Variants in RAD21 observed in about 807,000 individuals in gnomAD.
The protein encoded by RAD21 is RAD21 cohesin complex component, also known as double-strand-break repair protein rad21 homolog.
RAD21 carries 18 observed loss-of-function variants against 71.5 expected under a neutral mutation model. The ratio of observed to expected loss-of-function variants is 0.25; its 90% CI spans 0.17 to 0.37. The LOEUF (loss-of-function observed/expected upper bound fraction) is 0.37, where lower values mean the gene tolerates loss of function less well. Among genes scored for constraint, RAD21 ranks in the 10% least tolerant of loss-of-function variants. The probability of loss-of-function intolerance (pLI) is 1.00; values close to 1 mark genes in which losing one functional copy is unlikely to be tolerated. For missense variants in RAD21, 493 were observed against 769.1 expected, an observed-to-expected ratio of 0.64 and a Z score of 4.25; for synonymous variants, 248 against 254.0, an observed-to-expected ratio of 0.98 and a Z score of 0.22.
rs1403263631 is a variant in RAD21, at chr8:116,850,770, TA to T, written c.1471-4del. ...TCCATCTGCTCTACCTGCTGAGGCT[TA>T]AAGCAATACAAATAAGACAATTTAA... is the stretch of plus-strand genomic sequence containing the variant. On this transcript the variant is annotated splice_polypyrimidine_tract_variant and splice_region_variant and intron_variant, in intron 11 of 13. Transcript: ENST00000297338. 1.9e-6 allele frequency: 3 copies of T among 1,559,448 alleles called. No individual in the cohort carries two copies. Among genetic ancestry groups the T allele is most frequent in the Admixed American group, 3.4e-5 (2 of 59,490 alleles).
intron 2 of RAD21, among the ~76,000 whole-genome samples, 195 bp downstream of exon 2, chr8:116,866,391 A>AT (rs1179262993): frequency 2.6e-5 from 4 of 151,914 alleles, no homozygotes; most frequent in Non-Finnish European, 4.4e-5. Flanking sequence ...GCACTTAGAG[A>AT]TTTTTTTTAA....
Position 116,848,962 on chromosome 8 carries a change from A to G in RAD21, c.1688T>C (p.Met563Thr), listed in dbSNP as rs1210282420. Reference protein sequence around the residue: ...ERRWNKRTQQMLHGLQRALAK... With the variant: ...ERRWNKRTQQTLHGLQRALAK... ...CGGCAATACCTGAAGACCATGAAGC[A>G]TCTGCTGAGTCCTTTTGTTCCATCT... The change falls in exon 13 of 14, where the codon ATG becomes ACG. Residue 563 changes from methionine to threonine, a missense_variant. By Grantham distance (81) the Met-to-Thr change is moderately conservative. Transcript: ENST00000297338. 1 of 1,608,888 alleles carries G rather than the reference A, an allele frequency of 6.2e-7. No homozygotes were observed. Among genetic ancestry groups the G allele is most frequent in the Admixed American group, 1.7e-5 (1 of 59,338 alleles).
At chr8:116,856,369 A>G (rs1812466568) in intron 7 of RAD21, 81 bp from the exon 8 acceptor site, 2 of 1,340,722 alleles carry the variant, frequency 1.5e-6, no homozygotes, top group Admixed American at 5.9e-5. Context: ...GAGGAGAAAA[A>G]TCTCTTCATG....
At chr8:116,856,401 T>C (rs1269786133) in intron 7 of RAD21, 113 bp from the exon 8 acceptor site, 1 of 1,323,890 alleles carries the variant, frequency 7.6e-7, no homozygotes, top group Non-Finnish European at 9.8e-7. Flanking sequence ...AATCCTGTTA[T>C]TACTAAGAAA....
chr8:116,851,887 C>A, intron 11 of RAD21, 61 bp downstream of exon 11: 2 of 1,508,530 alleles, frequency 1.3e-6, no homozygotes, highest in Non-Finnish European at 9.0e-7. Flanking sequence ...CCCTAAATAC[C>A]ACTTGCTACT....
rs545535365 is a variant in RAD21 at position 116,862,439 on chromosome 8, A to C, written c.275-499T>G. Among the ~76,000 whole-genome samples the C allele has an allele frequency of 7.3e-4, 111 of 152,234 alleles. 1 individual carries two copies. The highest frequency in any genetic ancestry group is 2.6e-3 in the African/African-American group (109 of 41,580). On this transcript the variant is annotated intron_variant, in intron 3 of 13. Coordinates refer to ENST00000297338, the MANE Select transcript of RAD21 (RefSeq NM_006265.3). ...GGTCACATGTTAATTTAAGTATTGT[A>C]GTCTTTTTCTAAATATTTTACTTTT... is the stretch of plus-strand genomic sequence containing the variant.
At chr8:116,872,457 G>C (rs1374297) in intron 1 of RAD21, among the ~76,000 whole-genome samples, 24,938 of 151,890 alleles carry the variant, frequency 0.16, 2,496 homozygotes, top group East Asian at 0.38. Flanking sequence ...CATGAAACTG[G>C]TGATACTGGT....
At chr8:116,857,192 A>G (rs1157644680) in intron 6 of RAD21, 75 bp downstream of exon 6, 5 of 1,286,528 alleles carry the variant, frequency 3.9e-6, no homozygotes, top group Non-Finnish European at 5.5e-6. Context: ...ACTCAGAATT[A>G]GCAACTGTTT....
At chr8:116,867,775 G>A (rs1377385243) in intron 1 of RAD21, among the ~76,000 whole-genome samples, 2 of 152,144 alleles carry the variant, frequency 1.3e-5, no homozygotes. Context: ...GTCATAGATA[G>A]CAGGTCCCAT....
intron 1 of RAD21, among the ~76,000 whole-genome samples, chr8:116,871,947 G>C (rs1045814711): frequency 2.0e-5 from 3 of 152,086 alleles, no homozygotes; most frequent in Non-Finnish European, 4.4e-5. Flanking sequence ...TAACCTACTT[G>C]GCCATCAATA....
chr8:116,865,776 T>G (rs1257764671), intron 2 of RAD21, among the ~76,000 whole-genome samples: 1 of 152,138 alleles, frequency 6.6e-6, no homozygotes, highest in Non-Finnish European at 1.5e-5. Flanking sequence ...ACATAAAAAC[T>G]AACACAATGA....
At chr8:116,868,444 C>G (rs1224730975) in intron 1 of RAD21, among the ~76,000 whole-genome samples, 1 of 152,108 alleles carries the variant, frequency 6.6e-6, no homozygotes, top group Non-Finnish European at 1.5e-5. Flanking sequence ...TACAAATAAA[C>G]CTGCTATAAA....
At chr8:116,867,533 A>C (rs72683696) in intron 1 of RAD21, among the ~76,000 whole-genome samples, 87 of 152,248 alleles carry the variant, frequency 5.7e-4, no homozygotes, top group South Asian at 1.9e-3. Flanking sequence ...CCCAGTTCAG[A>C]AGAGTACATT....
chr8:116,870,220 T>C (rs1563695073), intron 1 of RAD21, among the ~76,000 whole-genome samples: 2 of 152,094 alleles, frequency 1.3e-5, no homozygotes, highest in African/African-American at 4.8e-5. Flanking sequence ...TCCTCCCAAA[T>C]TTGGAGTTAA....
At chr8:116,866,923 A>G in intron 1 of RAD21, 162 bp from the exon 2 acceptor site, 1 of 448,130 alleles carries the variant, frequency 2.2e-6, no homozygotes, top group South Asian at 7.7e-5. Flanking sequence ...TTTAAAACAA[A>G]TCTATTGTTT....
At chr8:116,852,343 C>A (rs1002173288) in intron 10 of RAD21, 3 of 653,810 alleles carry the variant, frequency 4.6e-6, no homozygotes, top group African/African-American at 3.7e-5. Flanking sequence ...AGCAGACTAT[C>A]TACCCTGCCA....
intron 11 of RAD21, chr8:116,851,254 G>A (rs1812342942): frequency 6.6e-6 from 1 of 152,422 alleles, no homozygotes. Context: ...CAGAAGGAGG[G>A]TGGTTATGAA....
chr8:116,856,577 C>T (rs113482907), intron 7 of RAD21, 69 bp downstream of exon 7: 5 of 1,467,326 alleles, frequency 3.4e-6, no homozygotes, highest in Non-Finnish European at 4.5e-6. Flanking sequence ...AGTTTGTCAT[C>T]TTCTATGGTA....
At chr8:116,858,490 C>T (rs1344224545) in intron 4 of RAD21, 32 bp from the exon 5 acceptor site, 1 of 1,546,850 alleles carries the variant, frequency 6.5e-7, no homozygotes, top group Admixed American at 1.7e-5. Context: ...ATTTTAGTTT[C>T]AAGTCTATGT....
Sources: allele counts gnomAD v4.1 joint callset (sites outside exome capture counted in the v4.1 genomes callset), GRCh38; gene constraint gnomAD v4.1.1; transcripts MANE v1.5; gene names NCBI Gene and HGNC (gene_info 2026-07-23, HGNC 2026-07-21).